TRAK1: variants seen among roughly 807,000 people sequenced by gnomAD.
TRAK1 encodes the protein trafficking kinesin protein 1.
A neutral mutation model predicts 92.1 loss-of-function variants in TRAK1; 33 were observed. The observed-to-expected ratio is 0.36, with a 90% CI of 0.27 to 0.48. The LOEUF is 0.48. Among genes scored for constraint, TRAK1 ranks in the 20% least tolerant of loss-of-function variants. The pLI, the probability that TRAK1 is intolerant of heterozygous loss-of-function variation, is 0.99. For synonymous variants in TRAK1, 521 were observed against 517.3 expected (o/e 1.01, Z -0.10); for missense variants, 1,123 against 1,257.9 (o/e 0.89, Z 1.62).
At chr3:42,151,485 G>T (rs1220092403) in intron 2 of TRAK1, 1 of 398,640 alleles carries the variant, frequency 2.5e-6, no homozygotes, top group Admixed American at 3.1e-5. Context: ...CTGAATGTAT[G>T]TTGAGCAAAA....
rs1699345732 is a variant in TRAK1, at chr3:42,146,480, A to G, written c.286+20866A>G. Reference sequence around the variant, plus strand: ...AGATGAAGAGGCTCCAGGAACCTCCATGTGTTCAGCTATTAGGAAGTTTGT... The same window carrying G: ...AGATGAAGAGGCTCCAGGAACCTCCGTGTGTTCAGCTATTAGGAAGTTTGT... On this transcript the variant is annotated intron_variant, in intron 2 of 15. Coordinates refer to ENST00000327628, the MANE Select transcript of TRAK1 (RefSeq NM_001042646.3). The G allele has an allele frequency of 1.9e-5, 3 of 157,770 alleles. No homozygotes were observed. The Admixed American group carries it at 1.9e-4, about 10-fold the overall frequency. The allele number at this position is 157,770 out of a possible 1,614,324, so 9.8% of individuals were successfully genotyped here.
rs1286660750 is a variant in TRAK1, at chr3:42,223,531, C to T, written c.2656C>T (p.Pro886Ser). ...GPPGPAPALV[P>S]RGLVPEGLPL... ...CCCGGGGCCAGCACCAGCCCTTGTTCCCAGAGGCCTGGTACCTGAGGGCCT... is the reference window on the plus strand; with the variant it reads ...CCCGGGGCCAGCACCAGCCCTTGTTTCCAGAGGCCTGGTACCTGAGGGCCT... Residue 886 changes from proline (P) to serine (S), a missense_variant, in exon 16 of 16, where the codon CCC becomes TCC. Coordinates refer to ENST00000327628, the MANE Select transcript of TRAK1 (RefSeq NM_001042646.3). This position sits in a 1 kb window ranked among gnomAD's most constrained non-coding sequence, Gnocchi z 6.1. 1.9e-6 allele frequency: 3 copies of T among 1,613,772 alleles called. No individual in the cohort carries two copies. Among genetic ancestry groups the T allele is most frequent in the Admixed American group, 3.3e-5 (2 of 60,032 alleles).
chr3:42,062,587 C>G (rs1048786146), intron 1 of TRAK1, among the ~76,000 whole-genome samples: 2 of 152,122 alleles, frequency 1.3e-5, no homozygotes, highest in African/African-American at 4.8e-5. Context: ...TTTTATTTTC[C>G]TTTTCACTGA....
chr3:42,121,337 G>T (rs1709831730), intron 1 of TRAK1, among the ~76,000 whole-genome samples: 1 of 148,024 alleles, frequency 6.8e-6, no homozygotes, highest in African/African-American at 2.5e-5. Flanking sequence ...TCGGCTCACT[G>T]CAAGCTCCGC....
Position 42,149,475 on chromosome 3 carries a change from C to T in TRAK1, c.286+23861C>T, listed in dbSNP as rs1404634949. The stretch of plus-strand genomic sequence containing the variant: ...CTGGAAGGGCGGGGAGGCATGGCAG[C>T]GTTTTACTTGACGTTGATGGTGCTG... On this transcript the variant is annotated intron_variant, in intron 2 of 15. Coordinates refer to ENST00000327628, the MANE Select transcript of TRAK1 (RefSeq NM_001042646.3). 9.8e-6 allele frequency: 15 copies of T among 1,535,160 alleles called. No individual in the cohort carries two copies. In the East Asian group the frequency reaches 2.4e-4, roughly 25 times the overall value.
intron 9 of TRAK1, 57 bp downstream of exon 9, chr3:42,193,955 CCTTCCCGGACAG>C: frequency 6.7e-7 from 1 of 1,490,926 alleles, no homozygotes; most frequent in South Asian, 1.2e-5. Context: ...GGTGGATTAG[CCTTCCCGGACAG>C]CTTTAGTCAC....
chr3:42,131,852 G>A (rs1438271369), intron 2 of TRAK1, among the ~76,000 whole-genome samples: 1 of 150,930 alleles, frequency 6.6e-6, no homozygotes, highest in African/African-American at 2.4e-5. Context: ...GAGCCCAGAA[G>A]TTCGAGACCA....
intron 14 of TRAK1, 181 bp downstream of exon 14, chr3:42,210,166 C>T (rs750477822): frequency 2.5e-5 from 39 of 1,590,636 alleles, no homozygotes; most frequent in African/African-American, 8.1e-5. Context: ...GCACCTTTCC[C>T]GGAGGCAGAG....
intron 2 of TRAK1, among the ~76,000 whole-genome samples, chr3:42,172,682 G>T (rs1451418795): frequency 2.0e-5 from 3 of 152,162 alleles, no homozygotes; most frequent in African/African-American, 7.2e-5. Context: ...TGTTTTCTGT[G>T]TGCCCCAGGA....
intron 2 of TRAK1, among the ~76,000 whole-genome samples, chr3:42,142,113 C>CAT (rs1440277641): frequency 1.3e-5 from 2 of 152,112 alleles, no homozygotes; most frequent in Non-Finnish European, 2.9e-5. Flanking sequence ...GCCTGGGTGA[C>CAT]AGAGTGAGAC....
intron 2 of TRAK1, among the ~76,000 whole-genome samples, chr3:42,152,456 A>G (rs969125518): frequency 6.6e-6 from 1 of 152,214 alleles, no homozygotes; most frequent in Non-Finnish European, 1.5e-5. Flanking sequence ...CTGGTGCAGA[A>G]CCTCTAAAAC....
chr3:42,054,016 C>T (rs955088563), intron 1 of TRAK1, among the ~76,000 whole-genome samples: 4 of 152,198 alleles, frequency 2.6e-5, no homozygotes, highest in Non-Finnish European at 5.9e-5. Context: ...CTAAGACCAA[C>T]ATCGTGGAGT....
intron 2 of TRAK1, among the ~76,000 whole-genome samples, chr3:42,148,303 C>T (rs1462641682): frequency 6.6e-6 from 1 of 152,106 alleles, no homozygotes; most frequent in Admixed American, 6.5e-5. Flanking sequence ...GAATAGCCTT[C>T]CACAGCAAGA....
chr3:42,192,097 T>C (rs1367610306), intron 7 of TRAK1, among the ~76,000 whole-genome samples: 2 of 152,046 alleles, frequency 1.3e-5, no homozygotes, highest in Admixed American at 6.6e-5. Context: ...AGGCAAGGTT[T>C]CACCATGTTG....
intron 1 of TRAK1, among the ~76,000 whole-genome samples, chr3:42,036,401 A>C (rs1211918015): frequency 6.6e-6 from 1 of 152,186 alleles, no homozygotes; most frequent in Non-Finnish European, 1.5e-5. Context: ...GTGGGTTTTC[A>C]TGATACCCGG....
intron 13 of TRAK1, among the ~76,000 whole-genome samples, chr3:42,205,561 C>T (rs1416920079): frequency 6.6e-6 from 1 of 152,202 alleles, no homozygotes; most frequent in Non-Finnish European, 1.5e-5. Flanking sequence ...AGAAAGATAT[C>T]TGTGTTAAAA....
At chr3:42,100,740 C>A (rs899050145) in intron 1 of TRAK1, among the ~76,000 whole-genome samples, 2 of 152,248 alleles carry the variant, frequency 1.3e-5, no homozygotes, top group African/African-American at 2.4e-5. Context: ...AGTCTCGGTT[C>A]ACTGCAACCT....
intron 14 of TRAK1, chr3:42,210,404 A>T (rs1303834179): frequency 0.016 from 203 of 13,032 alleles, no homozygotes; most frequent in Non-Finnish European, 0.023. Flanking sequence ...AAAGGCTGCT[A>T]AAAAAAAAAA....
chr3:42,187,994 G>A, intron 4 of TRAK1, 51 bp from the exon 5 acceptor site: 1 of 1,487,344 alleles, frequency 6.7e-7, no homozygotes, highest in Non-Finnish European at 9.4e-7. Context: ...AGTCGGGGGG[G>A]ACAGTATCAC....
Sources: gnomAD v4.1 joint callset for allele counts (sites outside exome capture counted in the v4.1 genomes callset) on GRCh38, gnomAD v4.1.1 for gene constraint, Gnocchi (gnomAD v3.1) non-coding constraint, MANE v1.5 for transcripts, NCBI Gene and HGNC (gene_info 2026-07-23, HGNC 2026-07-21) for gene names.